FNIP2: variants seen among roughly 807,000 people sequenced by gnomAD.
FNIP2 encodes the protein folliculin interacting protein 2.
Under a neutral mutation model 108.7 loss-of-function variants are expected in FNIP2, and 32 were observed. The ratio of observed to expected loss-of-function variants is 0.29; its 90% CI spans 0.22 to 0.40. FNIP2 has a LOEUF of 0.40. FNIP2 is among the 10% of genes least tolerant of loss of function. FNIP2 has a pLI of 1.00. For synonymous variants in FNIP2, 480 were observed against 496.7 expected, an observed-to-expected ratio of 0.97 and a Z score of 0.45; for missense variants, 1,202 against 1,381.6, an observed-to-expected ratio of 0.87 and a Z score of 2.06.
Position 158,906,610 on chromosome 4 carries a change from T to C in FNIP2, c.*2066T>C, listed in dbSNP as rs961170236. On this transcript the variant is annotated 3_prime_UTR_variant, in exon 17 of 17. Coordinates refer to ENST00000264433, the MANE Select transcript of FNIP2 (RefSeq NM_020840.3). ...GTTCCAAAACTCACTCTTGGAAAAATGCCTGTTGGAAAACTACAGGTGGGT... is the reference window on the plus strand; with the variant it reads ...GTTCCAAAACTCACTCTTGGAAAAACGCCTGTTGGAAAACTACAGGTGGGT... 1 of 152,164 alleles carries C rather than the reference T, an allele frequency of 6.6e-6. No homozygotes were observed. The highest frequency in any genetic ancestry group is 2.4e-5 in the African/African-American group (1 of 41,438). 9.4% of individuals were successfully genotyped at this position (152,164 alleles called of 1,614,324 possible). A position where few individuals can be genotyped will look rare whatever the true frequency, so the allele number is the denominator to read the frequency against.
At chr4:158,779,042 G>A (rs554828062) in intron 1 of FNIP2, among the ~76,000 whole-genome samples, 3 of 152,278 alleles carry the variant, frequency 2.0e-5, no homozygotes, top group East Asian at 3.9e-4. Flanking sequence ...GCAGTGGTAG[G>A]GTGGTGGGGA....
chr4:158,774,151 A>G lies in FNIP2; in HGVS notation c.107+4832A>G, dbSNP rs185591437. 5.1e-4 allele frequency among the ~76,000 whole-genome samples: 77 copies of G among 152,364 alleles called. 2 individuals carry two copies. Among genetic ancestry groups the G allele is most frequent in the Admixed American group, 4.6e-3 (71 of 15,302 alleles). ...ATTTATATAAATTTTAAAAAGTAAA[A>G]GCAAGTTATAAATTTATGTGAAAAA... On this transcript the variant is annotated intron_variant, in intron 1 of 16. Transcript: ENST00000264433.
chr4:158,900,297 C>T (rs985418741), intron 16 of FNIP2, among the ~76,000 whole-genome samples: 1 of 152,168 alleles, frequency 6.6e-6, no homozygotes, highest in Non-Finnish European at 1.5e-5. Context: ...TGATGAGGTG[C>T]TGAGAAGAAT....
At chr4:158,797,557 A>G (rs1158495478) in intron 1 of FNIP2, among the ~76,000 whole-genome samples, 1 of 152,114 alleles carries the variant, frequency 6.6e-6, no homozygotes, top group African/African-American at 2.4e-5. Flanking sequence ...AACATTAGCC[A>G]GGTATGGTGG....
At chr4:158,800,656 C>T (rs780198527) in intron 1 of FNIP2, among the ~76,000 whole-genome samples, 4 of 152,114 alleles carry the variant, frequency 2.6e-5, no homozygotes, top group Admixed American at 6.5e-5. Context: ...AAAAAGTATC[C>T]TGATCATGGC....
intron 14 of FNIP2, among the ~76,000 whole-genome samples, chr4:158,878,692 G>A (rs571881661): frequency 1.3e-5 from 2 of 152,222 alleles, no homozygotes; most frequent in South Asian, 4.1e-4. Context: ...GGGAAACCAG[G>A]AAATCATCAT....
At chr4:158,825,467 G>A (rs1778103238) in intron 1 of FNIP2, among the ~76,000 whole-genome samples, 1 of 152,174 alleles carries the variant, frequency 6.6e-6, no homozygotes, top group Non-Finnish European at 1.5e-5. Flanking sequence ...GTGGGTGAGG[G>A]AAAGAAGAGA....
chr4:158,850,527 A>G (rs1779639816), intron 7 of FNIP2, among the ~76,000 whole-genome samples: 1 of 151,126 alleles, frequency 6.6e-6, no homozygotes, highest in African/African-American at 2.4e-5. Context: ...TCTAATATGT[A>G]GCAGGAGGAA....
At chr4:158,850,896 G>A (rs568392287) in intron 7 of FNIP2, among the ~76,000 whole-genome samples, 29 of 152,076 alleles carry the variant, frequency 1.9e-4, no homozygotes, top group Admixed American at 7.2e-4. Context: ...ATATGGGCCT[G>A]CTAATTTGTG....
At chr4:158,778,702 A>G (rs1775936432) in intron 1 of FNIP2, among the ~76,000 whole-genome samples, 1 of 152,238 alleles carries the variant, frequency 6.6e-6, no homozygotes, top group African/African-American at 2.4e-5. Flanking sequence ...GGGAAAAAAC[A>G]TAGTATATAC....
At chr4:158,800,893 CTG>C (rs1776739696) in intron 1 of FNIP2, among the ~76,000 whole-genome samples, 1 of 152,144 alleles carries the variant, frequency 6.6e-6, no homozygotes, top group Admixed American at 6.6e-5. Flanking sequence ...TGCCTTCTCT[CTG>C]TGCTCTGGGT....
intron 15 of FNIP2, among the ~76,000 whole-genome samples, chr4:158,892,262 T>TGAG (rs1374113783): frequency 6.6e-6 from 1 of 151,674 alleles, no homozygotes; most frequent in African/African-American, 2.4e-5. Flanking sequence ...CTCAGCCTCT[T>TGAG]GAGTAGTTGG....
intron 8 of FNIP2, among the ~76,000 whole-genome samples, chr4:158,854,413 C>G (rs1779869169): frequency 6.6e-6 from 1 of 152,206 alleles, no homozygotes; most frequent in African/African-American, 2.4e-5. Context: ...GGGTCCAAGA[C>G]CTGGCAGTGC....
At chr4:158,820,005 C>T (rs1412296928) in intron 1 of FNIP2, among the ~76,000 whole-genome samples, 1 of 152,222 alleles carries the variant, frequency 6.6e-6, no homozygotes, top group Non-Finnish European at 1.5e-5. Flanking sequence ...ATTGCTTTAT[C>T]TCAGAATGCT....
chr4:158,824,664 C>A (rs748228966), intron 1 of FNIP2, among the ~76,000 whole-genome samples: 4 of 152,176 alleles, frequency 2.6e-5, no homozygotes, highest in Non-Finnish European at 5.9e-5. Flanking sequence ...CCAGATTGAA[C>A]TTTCAAAAAG....
At chr4:158,826,184 T>G in intron 2 of FNIP2, 142 bp downstream of exon 2, 1 of 1,210,660 alleles carries the variant, frequency 8.3e-7, no homozygotes, top group African/African-American at 1.5e-5. Flanking sequence ...AAGCAAGCAT[T>G]GAATCCTTTA....
At chr4:158,796,475 A>G (rs1196277728) in intron 1 of FNIP2, among the ~76,000 whole-genome samples, 8 of 151,956 alleles carry the variant, frequency 5.3e-5, no homozygotes, top group Admixed American at 4.6e-4. Flanking sequence ...CTTCCAGAGA[A>G]TTGGCTATGT....
chr4:158,822,398 C>T (rs948656681), intron 1 of FNIP2, among the ~76,000 whole-genome samples: 6 of 152,158 alleles, frequency 3.9e-5, no homozygotes, highest in South Asian at 4.2e-4. Context: ...TGCCCACAAA[C>T]GCCTGGGCTC....
chr4:158,792,007 G>A (rs1340622682), intron 1 of FNIP2, among the ~76,000 whole-genome samples: 2 of 152,148 alleles, frequency 1.3e-5, no homozygotes, highest in Non-Finnish European at 2.9e-5. Context: ...GGGAAGCTGA[G>A]GCAGGAGGAT....
Sources: allele counts gnomAD v4.1 joint callset (sites outside exome capture counted in the v4.1 genomes callset), GRCh38; gene constraint gnomAD v4.1.1; transcripts MANE v1.5; gene names NCBI Gene and HGNC (gene_info 2026-07-23, HGNC 2026-07-21).